The following LRRC4B variants were observed in gnomAD, a reference collection of about 807,000 sequenced individuals.
The protein encoded by LRRC4B is leucine rich repeat containing 4B.
In LRRC4B, 1 loss-of-function variant was observed where a neutral mutation model predicts 7.3. The observed-to-expected ratio is 0.14, with a 90% CI of 0.05 to 0.65. The LOEUF (loss-of-function observed/expected upper bound fraction) is 0.65. LRRC4B is among the 30% of genes least tolerant of loss of function. The pLI, the probability that LRRC4B is intolerant of heterozygous loss-of-function variation, is 0.84. For synonymous variants in LRRC4B, 500 were observed against 499.2 expected (o/e 1.00, Z -0.02); for missense variants, 730 against 1,041.6 (o/e 0.70, Z 4.12).
At position 50,546,387 on chromosome 19, in the gene LRRC4B, C is replaced by T. The variant is rs572380484; in HGVS notation, c.297+2155G>A. On this transcript the variant is annotated intron_variant, in intron 2 of 2. Coordinates refer to ENST00000652263, the MANE Select transcript of LRRC4B (RefSeq NM_001080457.2). ...ATAAAGAGCCTCTGATTACCCTCGA[C>T]GTGGTCCATGCCTCTTGCTGTCTGG... 1.3e-5 allele frequency among the ~76,000 whole-genome samples: 2 copies of T among 152,214 alleles called. 1 individual carries two copies. Among genetic ancestry groups the T allele is most frequent in the East Asian group, 3.9e-4 (2 of 5,162 alleles).
In LRRC4B at chr19:50,517,792, C is replaced by A. The variant is rs760275804; in HGVS notation, c.1921G>T (p.Gly641Trp). The change falls in exon 3 of 3, where the codon GGG becomes TGG. Residue 641 changes from glycine to tryptophan, a missense_variant. Gly to Trp is a radical substitution (Grantham distance 184, BLOSUM62 -2). This residue lies in a region of LRRC4B where 160 missense variants were observed against 163.9 expected (regional missense o/e 0.98). Transcript: ENST00000652263. The surrounding 1 kb of genome is among the most constrained non-coding windows in gnomAD (Gnocchi z 6.6). ...SVAAAAAVAS[G>W]GGVGGDSHLA... ...TGGCTGTCCCCGCCCACACCACCCC[C>A]ACTGGCCACGGCGGCCGCGGCGGCC... 1.3e-6 allele frequency: 2 copies of A among 1,534,736 alleles called. No homozygotes were observed. Among genetic ancestry groups the A allele is most frequent in the Non-Finnish European group, 1.7e-6 (2 of 1,147,072 alleles).
rs1282156771 is a variant in LRRC4B at position 50,537,708 on chromosome 19, T to C, written c.297+10834A>G. Among the ~76,000 whole-genome samples the C allele has an allele frequency of 1.3e-5, 2 of 152,094 alleles. No individual in the cohort carries two copies. Among genetic ancestry groups the C allele is most frequent in the Non-Finnish European group, 2.9e-5 (2 of 68,000 alleles). Reference sequence around the variant, plus strand: ...TTTTCTGTAAGTGTGCTGTGAGTCATCATGAGAAAAAGTTAAGAAGAAACT... The same window carrying C: ...TTTTCTGTAAGTGTGCTGTGAGTCACCATGAGAAAAAGTTAAGAAGAAACT... On this transcript the variant is annotated intron_variant, in intron 2 of 2. Transcript: ENST00000652263. The surrounding 1 kb of genome is among the most constrained non-coding windows in gnomAD (Gnocchi z 5.5).
intron 2 of LRRC4B, among the ~76,000 whole-genome samples, chr19:50,525,366 G>A (rs1027376294): frequency 1.3e-5 from 2 of 151,412 alleles, no homozygotes; most frequent in Non-Finnish European, 2.9e-5. Flanking sequence ...ACAGCCCTGA[G>A]CCGTCCACTG....
chr19:50,549,253 T>C (rs1178173592), intron 1 of LRRC4B, among the ~76,000 whole-genome samples: 1 of 151,386 alleles, frequency 6.6e-6, no homozygotes, highest in Non-Finnish European at 1.5e-5. Flanking sequence ...ATCAGAGGAG[T>C]GAGACAGACA....
At chr19:50,523,785 C>T (rs1793544082) in intron 2 of LRRC4B, among the ~76,000 whole-genome samples, 1 of 151,992 alleles carries the variant, frequency 6.6e-6, no homozygotes, top group Non-Finnish European at 1.5e-5. Flanking sequence ...TGGCGAAACC[C>T]CATCTCTACT....
rs1317115952 is a variant in LRRC4B, at chr19:50,556,592, C to T, written c.-35-7719G>A. ...AGCTCGTGTCACGGCCACCCAGCACCTGATGCTCGGTGATTTGTTCCTGCG... is the reference window on the plus strand; with the variant it reads ...AGCTCGTGTCACGGCCACCCAGCACTTGATGCTCGGTGATTTGTTCCTGCG... On this transcript the variant is annotated intron_variant, in intron 1 of 2. Transcript: ENST00000652263. This position sits in a 1 kb window ranked among gnomAD's most constrained non-coding sequence, Gnocchi z 4.2. 6.6e-6 allele frequency among the ~76,000 whole-genome samples: 1 copy of T among 152,208 alleles called. No homozygotes were observed. Among genetic ancestry groups the T allele is most frequent in the East Asian group, 1.9e-4 (1 of 5,188 alleles).
intron 2 of LRRC4B, among the ~76,000 whole-genome samples, chr19:50,545,119 A>G (rs1334813076): frequency 6.6e-6 from 1 of 151,140 alleles, no homozygotes; most frequent in Non-Finnish European, 1.5e-5. Flanking sequence ...TCTCAAAAAA[A>G]AAAAAAGGTC....
intron 2 of LRRC4B, among the ~76,000 whole-genome samples, chr19:50,541,919 C>T (rs1981566852): frequency 6.6e-6 from 1 of 152,080 alleles, no homozygotes; most frequent in Admixed American, 6.6e-5. Context: ...GGGGTGGGTG[C>T]CCATCAATTC....
At chr19:50,521,217 C>T (rs755064904) in intron 2 of LRRC4B, among the ~76,000 whole-genome samples, 1 of 152,122 alleles carries the variant, frequency 6.6e-6, no homozygotes, top group Non-Finnish European at 1.5e-5. Context: ...GATCCGTCCA[C>T]ACCATGCTCT....
rs531192886 is a variant in LRRC4B at position 50,537,786 on chromosome 19, G to A, written c.297+10756C>T. Among the ~76,000 whole-genome samples the A allele has an allele frequency of 6.6e-6, 1 of 152,304 alleles. No homozygotes were observed. The highest frequency in any genetic ancestry group is 1.9e-4 in the East Asian group (1 of 5,186). ...AAGGGTAGAAACTGAGGCTCGGAGTGGTGACAAGGATTATGTGGGCCCCGA... is the reference window on the plus strand; with the variant it reads ...AAGGGTAGAAACTGAGGCTCGGAGTAGTGACAAGGATTATGTGGGCCCCGA... On this transcript the variant is annotated intron_variant, in intron 2 of 2. Coordinates refer to ENST00000652263, the MANE Select transcript of LRRC4B (RefSeq NM_001080457.2). The surrounding 1 kb of genome is among the most constrained non-coding windows in gnomAD (Gnocchi z 5.5).
chr19:50,536,819 A>C (rs1171708902), intron 2 of LRRC4B, among the ~76,000 whole-genome samples: 2 of 151,992 alleles, frequency 1.3e-5, no homozygotes, highest in African/African-American at 4.8e-5. Flanking sequence ...GTGGGAAGGA[A>C]GGGGCTGGGG....
At chr19:50,540,103 G>A (rs796094319) in intron 2 of LRRC4B, among the ~76,000 whole-genome samples, 27 of 152,158 alleles carry the variant, frequency 1.8e-4, no homozygotes, top group African/African-American at 6.0e-4. Context: ...TCAGTATTAC[G>A]TTTTGAGCAT....
chr19:50,522,659 G>A lies in LRRC4B; in HGVS notation c.298-3244C>T, dbSNP rs191916479. Among the ~76,000 whole-genome samples, 601 of 152,138 alleles carry A rather than the reference G, an allele frequency of 4.0e-3. 4 individuals are homozygous for A. The highest frequency in any genetic ancestry group is 6.6e-3 in the Non-Finnish European group (450 of 68,002). On this transcript the variant is annotated intron_variant, in intron 2 of 2. Coordinates refer to ENST00000652263, the MANE Select transcript of LRRC4B (RefSeq NM_001080457.2). ...GCTTGGCTAATTTTTTGTATTTTTA[G>A]TAGAGACAGGGTTTTGCCATGTTGG...
rs1012551544 is a variant in LRRC4B at position 50,549,020 on chromosome 19, T to C, written c.-35-147A>G. 7.0e-6 allele frequency: 4 copies of C among 570,676 alleles called. No homozygotes were observed. The Admixed American group carries it at 1.0e-4, about 15-fold the overall frequency. 35.4% of individuals were successfully genotyped at this position (570,676 alleles called of 1,614,324 possible). On this transcript the variant is annotated intron_variant, in intron 1 of 2. Transcript: ENST00000652263. ...GGACAGGGAGGGAGACAGCTGCCGA[T>C]GGACCCACCCAGCAGGCTGGGGCAG... is the stretch of plus-strand genomic sequence containing the variant.
At chr19:50,525,170 G>C (rs1442990758) in intron 2 of LRRC4B, among the ~76,000 whole-genome samples, 1 of 152,168 alleles carries the variant, frequency 6.6e-6, no homozygotes, top group East Asian at 1.9e-4. Context: ...CCTGGTTGTA[G>C]GGCCTGTCAC....
rs113731391 is a variant in LRRC4B at position 50,553,075 on chromosome 19, G to A, written c.-35-4202C>T. On this transcript the variant is annotated intron_variant, in intron 1 of 2. Transcript: ENST00000652263. The surrounding 1 kb of genome is among the most constrained non-coding windows in gnomAD (Gnocchi z 4.2). ...GTGGGGATTAAATCGCTAAATCCTTGGTAAAGAGTTCTGTCTTCACAACAT... is the reference window on the plus strand; with the variant it reads ...GTGGGGATTAAATCGCTAAATCCTTAGTAAAGAGTTCTGTCTTCACAACAT... Among the ~76,000 whole-genome samples the A allele has an allele frequency of 6.6e-6, 1 of 152,234 alleles. No homozygotes were observed. The highest frequency in any genetic ancestry group is 1.5e-5 in the Non-Finnish European group (1 of 68,014).
In LRRC4B at chr19:50,518,051, C is replaced by A; in HGVS notation, c.1662G>T (p.Thr554=). 1 of 1,579,850 alleles carries A rather than the reference C, an allele frequency of 6.3e-7. No individual in the cohort carries two copies. The highest frequency in any genetic ancestry group is 2.2e-5 in the East Asian group (1 of 44,446). Residue 554 remains threonine (T), a synonymous_variant, in exon 3 of 3, where the codon ACG becomes ACT. Coordinates refer to ENST00000652263, the MANE Select transcript of LRRC4B (RefSeq NM_001080457.2). ...RSSRPTEKAF[T]VPITDVTENA... ...TCTCCGTCACATCCGTGATGGGCACCGTGAACGCCTTCTCCGTGGGCCGCG... is the reference window on the plus strand; with the variant it reads ...TCTCCGTCACATCCGTGATGGGCACAGTGAACGCCTTCTCCGTGGGCCGCG...
intron 1 of LRRC4B, among the ~76,000 whole-genome samples, chr19:50,552,006 T>G (rs1489427609): frequency 6.6e-6 from 1 of 151,886 alleles, no homozygotes; most frequent in African/African-American, 2.4e-5. Flanking sequence ...AATTAACCCA[T>G]TGGTTCTGGG....
At position 50,517,890 on chromosome 19, in the gene LRRC4B, TGCTTGTGGA is replaced by T; in HGVS notation, c.1814_1822del (p.Leu605_Lys607del). On this transcript the variant is annotated inframe_deletion, in exon 3 of 3. Transcript: ENST00000652263. This position sits in a 1 kb window ranked among gnomAD's most constrained non-coding sequence, Gnocchi z 6.6. ...CTCCACGGTGCGCGTGGGCCCGTGG[TGCTTGTGGA>T]GCTGGTGCTGCTTGCGCAGCTTGTA... 1 of 1,594,932 alleles carries T rather than the reference TGCTTGTGGA, an allele frequency of 6.3e-7. No homozygotes were observed. The highest frequency in any genetic ancestry group is 8.5e-7 in the Non-Finnish European group (1 of 1,173,656).
Sources: gnomAD v4.1 joint callset for allele counts (sites outside exome capture counted in the v4.1 genomes callset) on GRCh38, gnomAD v4.1.1 for gene constraint, gnomAD v4.1.1 regional missense constraint, Gnocchi (gnomAD v3.1) non-coding constraint, MANE v1.5 for transcripts, NCBI Gene and HGNC (gene_info 2026-07-23, HGNC 2026-07-21) for gene names.